The following HDAC4 variants were observed in gnomAD, a reference collection of about 807,000 sequenced individuals.
HDAC4 encodes the protein histone deacetylase A.
A neutral mutation model predicts 135.1 loss-of-function variants in HDAC4; 16 were observed. That is an observed-to-expected ratio of 0.12 (90% CI 0.08 to 0.18). The LOEUF (loss-of-function observed/expected upper bound fraction) is 0.18. Ranked by LOEUF, HDAC4 falls within the 10% of genes least tolerant of loss-of-function variation. HDAC4 has a pLI of 1.00. For synonymous variants in HDAC4, 685 were observed against 653.4 expected, an observed-to-expected ratio of 1.05 and a Z score of -0.74; for missense variants, 1,143 against 1,511.8, an observed-to-expected ratio of 0.76 and a Z score of 4.05.
At chr2:239,295,306 C>CAAAAAAAAAAAAAAAAAAA in intron 2 of HDAC4, among the ~76,000 whole-genome samples, 2 of 46,524 alleles carry the variant, frequency 4.3e-5, no homozygotes, top group East Asian at 8.0e-4. Flanking sequence ...GACTCCGTCT[C>CAAAAAAAAAAAAAAAAAAA]AAAAAAAAAA....
chr2:239,338,638 T>C (rs960864755), intron 2 of HDAC4, among the ~76,000 whole-genome samples: 1 of 152,252 alleles, frequency 6.6e-6, no homozygotes, highest in African/African-American at 2.4e-5. Flanking sequence ...CCTTTTATTT[T>C]TCTAAGGGAG....
chr2:239,305,174 G>A (rs572219493), intron 2 of HDAC4, among the ~76,000 whole-genome samples: 10 of 152,276 alleles, frequency 6.6e-5, no homozygotes, highest in South Asian at 6.2e-4. Context: ...ACACAAATAC[G>A]GCCACACTCA....
At chr2:239,394,455 T>G (rs936244162) in intron 1 of HDAC4, among the ~76,000 whole-genome samples, 4 of 152,218 alleles carry the variant, frequency 2.6e-5, no homozygotes, top group African/African-American at 9.6e-5. Flanking sequence ...GCCGGGGCCC[T>G]GGGCGAAGCG....
chr2:239,234,805 C>T (rs1013352340), intron 3 of HDAC4, among the ~76,000 whole-genome samples: 2 of 152,098 alleles, frequency 1.3e-5, no homozygotes, highest in African/African-American at 4.8e-5. Flanking sequence ...GCTTCCCAAG[C>T]CAGAATATTA....
intron 3 of HDAC4, among the ~76,000 whole-genome samples, chr2:239,192,194 C>T (rs2045023064): frequency 1.9e-5 from 2 of 103,272 alleles, no homozygotes; most frequent in African/African-American, 7.5e-5. Context: ...TGGGTGAGGA[C>T]TGTTCCATGT....
chr2:239,138,921 T>C (rs895528086), intron 9 of HDAC4, among the ~76,000 whole-genome samples: 5 of 152,204 alleles, frequency 3.3e-5, no homozygotes, highest in African/African-American at 4.8e-5. Flanking sequence ...TCGGCCAGCC[T>C]GGGCGCCACT....
intron 11 of HDAC4, among the ~76,000 whole-genome samples, chr2:239,132,875 T>C (rs1480773044): frequency 6.6e-6 from 1 of 152,110 alleles, no homozygotes; most frequent in Non-Finnish European, 1.5e-5. Flanking sequence ...GAAACTCAGG[T>C]GTCCTTCACT....
At chr2:239,361,647 G>A (rs1462933766) in intron 1 of HDAC4, among the ~76,000 whole-genome samples, 2 of 152,186 alleles carry the variant, frequency 1.3e-5, no homozygotes, top group African/African-American at 2.4e-5. Context: ...TGAAGCCCAC[G>A]AGGAAAGCAG....
At chr2:239,099,088 A>C (rs1464011007) in intron 16 of HDAC4, among the ~76,000 whole-genome samples, 1 of 152,208 alleles carries the variant, frequency 6.6e-6, no homozygotes, top group Non-Finnish European at 1.5e-5. Context: ...TTCCTTTTTG[A>C]TCATCTCTCT....
At chr2:239,206,338 A>C (rs2046046266) in intron 3 of HDAC4, among the ~76,000 whole-genome samples, 1 of 152,134 alleles carries the variant, frequency 6.6e-6, no homozygotes, top group African/African-American at 2.4e-5. Flanking sequence ...AAAAAAAAAG[A>C]AAGTAATTAA....
At chr2:239,395,956 T>G (rs889541263) in intron 1 of HDAC4, among the ~76,000 whole-genome samples, 2 of 152,238 alleles carry the variant, frequency 1.3e-5, no homozygotes, top group African/African-American at 2.4e-5. Context: ...CACTATTTTA[T>G]GTTTATACAT....
intron 12 of HDAC4, among the ~76,000 whole-genome samples, chr2:239,123,713 A>G (rs995815562): frequency 2.0e-5 from 3 of 152,166 alleles, no homozygotes; most frequent in Non-Finnish European, 2.9e-5. Flanking sequence ...GGGGCTTGAG[A>G]GAAGGAAATT....
At chr2:239,261,342 C>T (rs965680458) in intron 2 of HDAC4, among the ~76,000 whole-genome samples, 4 of 152,194 alleles carry the variant, frequency 2.6e-5, no homozygotes, top group Admixed American at 6.5e-5. Context: ...GTACAGAAGG[C>T]ACCAAGTCCA....
chr2:239,098,460 C>A (rs926472868), intron 16 of HDAC4, among the ~76,000 whole-genome samples: 1 of 152,268 alleles, frequency 6.6e-6, no homozygotes, highest in Non-Finnish European at 1.5e-5. Context: ...TCCTGCCGCA[C>A]CCTACCCTGA....
intron 2 of HDAC4, among the ~76,000 whole-genome samples, chr2:239,282,015 ACAC>A (rs2050796829): frequency 6.7e-6 from 1 of 150,374 alleles, no homozygotes; most frequent in Non-Finnish European, 1.5e-5. Flanking sequence ...TACAATGAAC[ACAC>A]CACTCTACAC....
chr2:239,239,525 C>G (rs2048062407), intron 2 of HDAC4, among the ~76,000 whole-genome samples: 2 of 152,134 alleles, frequency 1.3e-5, no homozygotes, highest in Admixed American at 6.5e-5. Flanking sequence ...AACTCAGAAG[C>G]ACATAAGAAG....
At chr2:239,236,536 A>G (rs2047898470) in intron 3 of HDAC4, 57 bp downstream of exon 3, 1 of 1,369,012 alleles carries the variant, frequency 7.3e-7, no homozygotes, top group Admixed American at 2.0e-5. Flanking sequence ...GAGCGTCTGA[A>G]CACCTCTTTG....
intron 4 of HDAC4, among the ~76,000 whole-genome samples, chr2:239,181,378 C>T (rs987530050): frequency 1.3e-5 from 2 of 152,228 alleles, no homozygotes; most frequent in East Asian, 1.9e-4. Flanking sequence ...TGTGTGGGCA[C>T]AGGCAAGGCA....
At chr2:239,168,267 C>T (rs914231508) in intron 5 of HDAC4, among the ~76,000 whole-genome samples, 2 of 152,284 alleles carry the variant, frequency 1.3e-5, no homozygotes, top group Non-Finnish European at 2.9e-5. Context: ...TGAGAGAAAG[C>T]GGGGCTGTAT....
Sources: allele counts gnomAD v4.1 joint callset (sites outside exome capture counted in the v4.1 genomes callset), GRCh38; gene constraint gnomAD v4.1.1; transcripts MANE v1.5; gene names NCBI Gene and HGNC (gene_info 2026-07-23, HGNC 2026-07-21).